CCDC187: variants seen among roughly 807,000 people sequenced by gnomAD.
CCDC187 encodes the protein coiled-coil domain-containing protein 187.
CCDC187 carries 32 observed loss-of-function variants against 38.0 expected under a neutral mutation model. The ratio of observed to expected loss-of-function variants is 0.84; its 90% confidence interval spans 0.64 to 1.13. The LOEUF (loss-of-function observed/expected upper bound fraction) is 1.13. Among genes scored for constraint, CCDC187 ranks in the 50% most tolerant of loss-of-function variants. The pLI is 0.00. For missense variants in CCDC187, 707 were observed against 786.8 expected (o/e 0.90, Z 1.21); for synonymous variants, 333 against 347.9 (o/e 0.96, Z 0.48).
chr9:136,267,334 C>A (rs1359700240), intron 16 of CCDC187, 50 bp downstream of exon 16: 2 of 954,964 alleles, frequency 2.1e-6, no homozygotes, highest in Admixed American at 8.3e-5. Context: ...GGGGCTACAG[C>A]AGGGCGGGGC....
chr9:136,288,860 C>T (rs948040183), intron 7 of CCDC187, among the ~76,000 whole-genome samples: 143 of 152,340 alleles, frequency 9.4e-4, no homozygotes, highest in African/African-American at 3.1e-3. Context: ...GGAACCAGGG[C>T]GGCTGCTGTG....
intron 10 of CCDC187, among the ~76,000 whole-genome samples, chr9:136,277,453 G>T (rs1239005023): frequency 9.9e-6 from 1 of 101,226 alleles, no homozygotes; most frequent in African/African-American, 3.5e-5. Context: ...AGATGGGGTG[G>T]GCGGGTGCTG....
At chr9:136,255,471 A>AC (rs1830600471) in intron 25 of CCDC187, among the ~76,000 whole-genome samples, 186 bp downstream of exon 25, 1 of 152,172 alleles carries the variant, frequency 6.6e-6, no homozygotes, top group African/African-American at 2.4e-5. Flanking sequence ...AGGATCCCTG[A>AC]CCGTCACTCA....
At chr9:136,279,427 A>G (rs1427354141) in intron 10 of CCDC187, among the ~76,000 whole-genome samples, 2 of 152,226 alleles carry the variant, frequency 1.3e-5, no homozygotes, top group Non-Finnish European at 2.9e-5. Context: ...GGGCTACTGC[A>G]CATTCCGCCC....
chr9:136,263,570 G>A (rs1830705601), intron 18 of CCDC187, 52 bp downstream of exon 18: 1 of 982,226 alleles, frequency 1.0e-6, no homozygotes, highest in Middle Eastern at 5.2e-4. Flanking sequence ...ACGATCATGG[G>A]AAGGGGACAG....
chr9:136,292,923 G>A (rs1362013383), intron 4 of CCDC187, among the ~76,000 whole-genome samples: 1 of 152,222 alleles, frequency 6.6e-6, no homozygotes, highest in Non-Finnish European at 1.5e-5. Context: ...ACGAGCCTTC[G>A]CACGCAAATG....
Position 136,257,972 on chromosome 9 carries a change from C to T in CCDC187, c.4366+960G>A, listed in dbSNP as rs1409804692. 6.6e-6 allele frequency among the ~76,000 whole-genome samples: 1 copy of T among 152,214 alleles called. No homozygotes were observed. Among genetic ancestry groups the T allele is most frequent in the Middle Eastern group, 3.2e-3 (1 of 316 alleles). On this transcript the variant is annotated intron_variant, in intron 22 of 25. Coordinates refer to ENST00000638797, the MANE Select transcript of CCDC187 (RefSeq NM_001378188.1). This position sits in a 1 kb window ranked among gnomAD's most constrained non-coding sequence, Gnocchi z 4.5. ...TGCGTGGGCATAACGAGTGAATCCACCTCCAGAGGCAACGAGGACCCATGG... is the reference window on the plus strand; with the variant it reads ...TGCGTGGGCATAACGAGTGAATCCATCTCCAGAGGCAACGAGGACCCATGG...
chr9:136,305,989 C>T (rs1302853899), upstream of CCDC187, among the ~76,000 whole-genome samples: 3 of 152,224 alleles, frequency 2.0e-5, no homozygotes, highest in African/African-American at 4.8e-5. Context: ...CGATGTTGTC[C>T]GTGCCACGGG....
Position 136,264,188 on chromosome 9 carries a change from C to T in CCDC187, c.3736-390G>A, listed in dbSNP as rs1830713765. 1.3e-5 allele frequency: 2 copies of T among 152,512 alleles called. No individual in the cohort carries two copies. The highest frequency in any genetic ancestry group is 1.3e-4 in the Admixed American group (2 of 15,290). The allele number at this position is 152,512 out of a possible 1,614,324, so 9.4% of individuals were successfully genotyped here. On this transcript the variant is annotated intron_variant, in intron 17 of 25. Coordinates refer to ENST00000638797, the MANE Select transcript of CCDC187 (RefSeq NM_001378188.1). The surrounding 1 kb of genome is among the most constrained non-coding windows in gnomAD (Gnocchi z 4.3). Reference sequence around the variant, plus strand: ...CCTGGTGGACGCACCCTCGGAACAACCTTGCACAGAGCCCAGGGCCGGGCC... The same window carrying T: ...CCTGGTGGACGCACCCTCGGAACAATCTTGCACAGAGCCCAGGGCCGGGCC...
At chr9:136,268,248 A>C (rs1830782783) in intron 14 of CCDC187, 123 bp from the exon 15 acceptor site, 5 of 440,816 alleles carry the variant, frequency 1.1e-5, no homozygotes, top group Non-Finnish European at 1.5e-5. Flanking sequence ...TCCCCATCCC[A>C]TCCCGGACAC....
chr9:136,255,717 G>A lies in CCDC187; in HGVS notation c.4633C>T (p.Gln1545Ter). Residue 1545 changes from glutamine to a stop codon, truncating the protein, a stop_gained, in exon 25 of 26, where the codon CAG becomes TAG. Transcript: ENST00000638797. LOFTEE classifies it high-confidence loss of function. ...GTGGAGGAGATGCCGGGGACCTCCT[G>A]CTGACAGGCCTCCGTCCTGCAAGCA... ...SGEQRTEACQ[Q>*]EVPGISSTWL... is the part of the protein sequence containing the mutation. 1 of 985,448 alleles carries A rather than the reference G, an allele frequency of 1.0e-6. No individual in the cohort carries two copies. Among genetic ancestry groups the A allele is most frequent in the Non-Finnish European group, 1.2e-6 (1 of 829,918 alleles). The allele number at this position is 985,448 out of a possible 1,614,324, so 61.0% of individuals were successfully genotyped here. A position where few individuals can be genotyped will look rare whatever the true frequency, so the allele number is the denominator to read the frequency against.
At chr9:136,270,511 C>G (rs1037919316) in intron 14 of CCDC187, among the ~76,000 whole-genome samples, 4 of 152,076 alleles carry the variant, frequency 2.6e-5, no homozygotes, top group Admixed American at 1.3e-4. Flanking sequence ...TCCACTATTT[C>G]TTCTTCTGCT....
At chr9:136,282,384 A>T (rs1414217265) in intron 9 of CCDC187, among the ~76,000 whole-genome samples, 1 of 152,146 alleles carries the variant, frequency 6.6e-6, no homozygotes, top group Non-Finnish European at 1.5e-5. Context: ...GGTGAGGGAG[A>T]GCTACCAGGC....
chr9:136,260,031 C>A, intron 20 of CCDC187, 88 bp downstream of exon 20: 4 of 962,388 alleles, frequency 4.2e-6, no homozygotes, highest in Non-Finnish European at 4.9e-6. Context: ...GCCTACCTGA[C>A]CCTGGGCCTA....
chr9:136,272,371 T>C (rs1291126900), intron 14 of CCDC187, among the ~76,000 whole-genome samples: 1 of 152,148 alleles, frequency 6.6e-6, no homozygotes, highest in Non-Finnish European at 1.5e-5. Context: ...ACATTTAAAA[T>C]AAGCCTGGGC....
chr9:136,295,167 G>A (rs910245244), intron 4 of CCDC187, among the ~76,000 whole-genome samples: 35 of 152,166 alleles, frequency 2.3e-4, no homozygotes, highest in Non-Finnish European at 2.6e-4. Flanking sequence ...GCTGGGTTTC[G>A]GGGGGGACCC....
At chr9:136,293,491 ATG>A (rs1831430579) in intron 4 of CCDC187, among the ~76,000 whole-genome samples, 22 of 146,448 alleles carry the variant, frequency 1.5e-4, no homozygotes, top group African/African-American at 5.7e-4. Flanking sequence ...TCACAAACAC[ATG>A]CTCACACACT....
rs1055697739 is a variant in CCDC187 at position 136,286,661 on chromosome 9, C to A, written c.2257G>T (p.Ala753Ser). Residue 753 changes from alanine (A) to serine (S), a missense_variant, in exon 8 of 26, where the codon GCT (alanine) becomes TCT (serine). By Grantham distance (99) the Ala-to-Ser change is moderately conservative. Transcript: ENST00000638797. The stretch of plus-strand genomic sequence containing the variant: ...ATCCCTGGGGGATCTAGGGTCTCAG[C>A]ATGGTTCCAGGCTCTGTTCAAACAC... ...CLCLNRAWNH[A>S]ETLDPPGMGG... is the part of the protein sequence containing the mutation. 2.0e-5 allele frequency: 8 copies of A among 398,870 alleles called. No individual in the cohort carries two copies. The South Asian group carries it at 7.6e-4, about 38-fold the overall frequency. 24.7% of individuals were successfully genotyped at this position (398,870 alleles called of 1,614,324 possible). A position where few individuals can be genotyped will look rare whatever the true frequency, so the allele number is the denominator to read the frequency against.
In CCDC187 at chr9:136,253,565, G is replaced by A. The variant is rs918086832; in HGVS notation, c.*29C>T. ...CAACTGGTCGTCAACGCTTCCACCC[G>A]GACCAGCCACCCCTGGGCAGAGCCC... On this transcript the variant is annotated 3_prime_UTR_variant, in exon 26 of 26. Coordinates refer to ENST00000638797, the MANE Select transcript of CCDC187 (RefSeq NM_001378188.1). The A allele has an allele frequency of 1.4e-5, 14 of 981,788 alleles. No homozygotes were observed. Among genetic ancestry groups the A allele is most frequent in the African/African-American group, 1.7e-5 (1 of 57,178 alleles). The allele number at this position is 981,788 out of a possible 1,614,324, so 60.8% of individuals were successfully genotyped here.
Sources: gnomAD v4.1 joint callset for allele counts (sites outside exome capture counted in the v4.1 genomes callset) on GRCh38, gnomAD v4.1.1 for gene constraint, Gnocchi (gnomAD v3.1) non-coding constraint, MANE v1.5 for transcripts, NCBI Gene and HGNC (gene_info 2026-07-23, HGNC 2026-07-21) for gene names.